Variants in CSMD1 observed in about 807,000 individuals in gnomAD.
The protein encoded by CSMD1 is CUB and Sushi multiple domains 1.
Under a neutral mutation model 417.5 loss-of-function variants are expected in CSMD1, and 213 were observed. That is an observed-to-expected ratio of 0.51 (90% confidence interval 0.46 to 0.57). The LOEUF (loss-of-function observed/expected upper bound fraction) is 0.57, where lower values mean the gene tolerates loss of function less well. Among genes scored for constraint, CSMD1 ranks in the 20% least tolerant of loss-of-function variants. CSMD1 has a pLI of 0.00. For synonymous variants in CSMD1, 2,862 were observed against 1,736.8 expected (o/e 1.65, Z -16.11); for missense variants, 6,923 against 4,529.7 (o/e 1.53, Z -15.17).
At chr8:3,752,441 G>A (rs1411428790) in intron 6 of CSMD1, among the ~76,000 whole-genome samples, 2 of 152,004 alleles carry the variant, frequency 1.3e-5, no homozygotes, top group East Asian at 3.9e-4. Flanking sequence ...GATCATCTGA[G>A]GTCAGGAGTT....
At chr8:3,205,699 C>G (rs1428194889) in intron 30 of CSMD1, 79 bp from the exon 31 acceptor site, 4 of 597,142 alleles carry the variant, frequency 6.7e-6, no homozygotes, top group South Asian at 2.2e-5. Context: ...TGAAACACAT[C>G]AAACACGTGA....
intron 21 of CSMD1, among the ~76,000 whole-genome samples, chr8:3,357,746 A>C (rs1448511169): frequency 6.6e-6 from 1 of 152,136 alleles, no homozygotes; most frequent in African/African-American, 2.4e-5. Flanking sequence ...GGGAACTCCT[A>C]TGATCACCTG....
rs142433377 is a variant in CSMD1 at position 3,392,469 on chromosome 8, G to A, written c.2593+3725C>T. Among the ~76,000 whole-genome samples, 674 of 152,010 alleles carry A rather than the reference G, an allele frequency of 4.4e-3. 2 individuals carry two copies. Among genetic ancestry groups the A allele is most frequent in the Middle Eastern group, 0.034 (10 of 294 alleles). ...GGTTGGTAGCATTTTTCTCTTCCAC[G>A]CTTTGCCACTTTTTCTCTGTCTCTG... is the stretch of plus-strand genomic sequence containing the variant. On this transcript the variant is annotated intron_variant, in intron 17 of 69. Transcript: ENST00000635120.
At chr8:3,071,678 T>C (rs1026180630) in intron 49 of CSMD1, among the ~76,000 whole-genome samples, 1 of 152,192 alleles carries the variant, frequency 6.6e-6, no homozygotes, top group Non-Finnish European at 1.5e-5. Context: ...ATAAGGCTTT[T>C]TGGAAAATGT....
intron 25 of CSMD1, among the ~76,000 whole-genome samples, chr8:3,292,683 A>G (rs1469975190): frequency 6.6e-6 from 1 of 152,080 alleles, no homozygotes. Flanking sequence ...TGCTTGGTAG[A>G]TCTTCCTCCA....
Position 4,861,766 on chromosome 8 carries a change from T to C in CSMD1, c.85+132566A>G, listed in dbSNP as rs936864916. 2.4e-4 allele frequency among the ~76,000 whole-genome samples: 36 copies of C among 152,174 alleles called. No individual in the cohort carries two copies. The East Asian group carries it at 3.9e-3, about 16-fold the overall frequency. ...AAGGATGTACATTTTGAACAAAATGTCTAAGATATAAAGCTCTAAATAACT... is the reference window on the plus strand; with the variant it reads ...AAGGATGTACATTTTGAACAAAATGCCTAAGATATAAAGCTCTAAATAACT... On this transcript the variant is annotated intron_variant, in intron 1 of 69. Coordinates refer to ENST00000635120, the MANE Select transcript of CSMD1 (RefSeq NM_033225.6).
chr8:3,407,258 A>T (rs10101928), intron 14 of CSMD1, among the ~76,000 whole-genome samples: 4 of 151,732 alleles, frequency 2.6e-5, no homozygotes, highest in Non-Finnish European at 4.4e-5. Flanking sequence ...GATGAATGGA[A>T]GGATATGGAT....
At chr8:4,021,246 C>T (rs551156603) in intron 4 of CSMD1, among the ~76,000 whole-genome samples, 1 of 152,202 alleles carries the variant, frequency 6.6e-6, no homozygotes, top group African/African-American at 2.4e-5. Flanking sequence ...AATCAAAATA[C>T]TTCACTTACA....
chr8:4,091,065 C>G (rs1390261306), intron 3 of CSMD1, among the ~76,000 whole-genome samples: 6 of 151,852 alleles, frequency 4.0e-5, no homozygotes, highest in Admixed American at 3.3e-4. Context: ...TCTACAGGCA[C>G]CCACCACAAT....
chr8:4,955,953 G>C (rs1339166616), intron 1 of CSMD1, among the ~76,000 whole-genome samples: 3 of 152,184 alleles, frequency 2.0e-5, no homozygotes, highest in Non-Finnish European at 4.4e-5. Flanking sequence ...GGCTGAGTTT[G>C]AGAAACGCTG....
At chr8:4,746,239 C>G (rs1047683550) in intron 1 of CSMD1, among the ~76,000 whole-genome samples, 5 of 152,064 alleles carry the variant, frequency 3.3e-5, no homozygotes, top group Admixed American at 6.6e-5. Flanking sequence ...GTATGGCCAA[C>G]AAATTCCAGC....
chr8:4,247,628 A>G (rs540220041), intron 3 of CSMD1, among the ~76,000 whole-genome samples: 7 of 152,314 alleles, frequency 4.6e-5, no homozygotes, highest in African/African-American at 1.7e-4. Context: ...GAGCAGAGGT[A>G]GATTTCAAGT....
intron 5 of CSMD1, among the ~76,000 whole-genome samples, chr8:3,996,837 C>G (rs749238124): frequency 6.6e-6 from 1 of 152,160 alleles, no homozygotes; most frequent in Non-Finnish European, 1.5e-5. Context: ...CAGCATTGAG[C>G]CTTGTGATTT....
intron 51 of CSMD1, among the ~76,000 whole-genome samples, chr8:3,027,639 A>C (rs558897041): frequency 4.5e-4 from 69 of 152,356 alleles, no homozygotes; most frequent in African/African-American, 1.3e-3. Context: ...AGCAGCAGGC[A>C]GCTGACAATT....
chr8:4,612,484 G>T (rs1351100975), intron 2 of CSMD1, among the ~76,000 whole-genome samples: 1 of 152,174 alleles, frequency 6.6e-6, no homozygotes, highest in African/African-American at 2.4e-5. Context: ...AGGTCACATG[G>T]AGATGACCAC....
At chr8:3,966,661 T>C (rs1277285510) in intron 5 of CSMD1, among the ~76,000 whole-genome samples, 2 of 152,144 alleles carry the variant, frequency 1.3e-5, no homozygotes, top group Admixed American at 6.5e-5. Flanking sequence ...AAAGACCATG[T>C]GCTGTGTTTC....
At chr8:4,349,439 A>G (rs1299689919) in intron 3 of CSMD1, among the ~76,000 whole-genome samples, 1 of 152,206 alleles carries the variant, frequency 6.6e-6, no homozygotes, top group Admixed American at 6.5e-5. Flanking sequence ...GAAAAGTCAG[A>G]TTTACAACTA....
intron 3 of CSMD1, among the ~76,000 whole-genome samples, chr8:4,364,824 CAAAAAAAAAAAAAAAAAAA>C (rs60925117): frequency 1.2e-5 from 1 of 84,856 alleles, no homozygotes. Flanking sequence ...GACTCCTTCT[CAAAAAAAAAAAAAAAAAAA>C]AAAAAAAAAA....
intron 11 of CSMD1, among the ~76,000 whole-genome samples, chr8:3,471,690 C>T (rs1480961608): frequency 6.9e-6 from 1 of 145,840 alleles, no homozygotes; most frequent in African/African-American, 2.5e-5. Flanking sequence ...TCCTTCCTTC[C>T]TTCTTCCTTT....
Sources: gnomAD v4.1 joint callset for allele counts (sites outside exome capture counted in the v4.1 genomes callset) on GRCh38, gnomAD v4.1.1 for gene constraint, MANE v1.5 for transcripts, NCBI Gene and HGNC (gene_info 2026-07-23, HGNC 2026-07-21) for gene names.